Variants in KCNJ3 observed in about 807,000 individuals in gnomAD.
KCNJ3 encodes G protein-activated inward rectifier potassium channel 1.
A neutral mutation model predicts 39.2 loss-of-function variants in KCNJ3; 4 were observed. The ratio of observed to expected loss-of-function variants is 0.10; its 90% CI spans 0.05 to 0.23. The LOEUF (loss-of-function observed/expected upper bound fraction) is 0.23, where lower values mean the gene tolerates loss of function less well. Ranked by LOEUF, KCNJ3 falls within the 10% of genes least tolerant of loss-of-function variation. KCNJ3 has a pLI of 1.00. For synonymous variants in KCNJ3, 230 were observed against 237.4 expected (o/e 0.97, Z 0.29); for missense variants, 276 against 634.9 (o/e 0.43, Z 6.08).
chr2:154,726,816 C>CAA (rs1685366076), intron 2 of KCNJ3, among the ~76,000 whole-genome samples: 1 of 150,382 alleles, frequency 6.6e-6, no homozygotes, highest in East Asian at 2.0e-4. Flanking sequence ...CACACACACA[C>CAA]ACACACACAC....
At chr2:154,706,327 A>G (rs1685009116) in intron 1 of KCNJ3, among the ~76,000 whole-genome samples, 1 of 152,248 alleles carries the variant, frequency 6.6e-6, no homozygotes, top group African/African-American at 2.4e-5. Context: ...TTCTTATATC[A>G]TAATGCTTAA....
At chr2:154,788,769 G>GT (rs376883606) in intron 2 of KCNJ3, among the ~76,000 whole-genome samples, 3,662 of 146,344 alleles carry the variant, frequency 0.025, 60 homozygotes, top group Non-Finnish European at 0.033. Flanking sequence ...GTGAGTGTGA[G>GT]TTGTTTTTTT....
At chr2:154,744,600 T>G (rs1236462936) in intron 2 of KCNJ3, among the ~76,000 whole-genome samples, 1 of 151,854 alleles carries the variant, frequency 6.6e-6, no homozygotes, top group Non-Finnish European at 1.5e-5. Flanking sequence ...TTGTCAAACT[T>G]ATATATGTAG....
intron 2 of KCNJ3, among the ~76,000 whole-genome samples, chr2:154,711,129 T>C (rs1220806489): frequency 1.3e-5 from 2 of 152,146 alleles, no homozygotes; most frequent in African/African-American, 2.4e-5. Flanking sequence ...TTCTGCATAC[T>C]ATTTTATGAT....
chr2:154,813,226 C>T (rs1687031258), intron 2 of KCNJ3, among the ~76,000 whole-genome samples: 1 of 152,108 alleles, frequency 6.6e-6, no homozygotes, highest in Non-Finnish European at 1.5e-5. Flanking sequence ...AGTTGTGCTT[C>T]ATTTTCTGCC....
At chr2:154,760,256 T>C (rs1452051801) in intron 2 of KCNJ3, among the ~76,000 whole-genome samples, 1 of 152,232 alleles carries the variant, frequency 6.6e-6, no homozygotes, top group African/African-American at 2.4e-5. Flanking sequence ...CCTTTTTTCA[T>C]ATAATTATTA....
intron 2 of KCNJ3, among the ~76,000 whole-genome samples, chr2:154,821,588 G>T (rs967262622): frequency 6.8e-6 from 1 of 147,748 alleles, no homozygotes; most frequent in Non-Finnish European, 1.5e-5. Context: ...TGACTGAGCA[G>T]ATATGCTAGC....
chr2:154,792,028 C>T (rs552261117), intron 2 of KCNJ3, among the ~76,000 whole-genome samples: 3 of 152,090 alleles, frequency 2.0e-5, no homozygotes, highest in East Asian at 3.9e-4. Flanking sequence ...ATCCTGTACA[C>T]GTGGCTTCCC....
chr2:154,845,841 G>A (rs1687655103), intron 2 of KCNJ3, among the ~76,000 whole-genome samples: 1 of 152,066 alleles, frequency 6.6e-6, no homozygotes, highest in African/African-American at 2.4e-5. Context: ...CATGTGGCAT[G>A]TGCCTGTAGT....
At position 154,855,123 on chromosome 2, in the gene KCNJ3, G is replaced by A. The variant is rs1214174573; in HGVS notation, c.1316G>A (p.Arg439Gln). The change falls in exon 3 of 3, where the codon CGA becomes CAA. Residue 439 changes from arginine (R) to glutamine (Q), a missense_variant. Transcript: ENST00000295101. Reference sequence around the variant, plus strand: ...GGAGACTTGCCCATGAAACTTCAACGAATAAGTTCAGTTCCGGGCAACTCA... The same window carrying A: ...GGAGACTTGCCCATGAAACTTCAACAAATAAGTTCAGTTCCGGGCAACTCA... ...SLGDLPMKLQ[R>Q]ISSVPGNSEE... 6 of 1,613,952 alleles carry A rather than the reference G, an allele frequency of 3.7e-6. No homozygotes were observed. The highest frequency in any genetic ancestry group is 1.7e-5 in the Admixed American group (1 of 59,980).
At chr2:154,769,825 A>G (rs377140174) in intron 2 of KCNJ3, among the ~76,000 whole-genome samples, 25 of 152,174 alleles carry the variant, frequency 1.6e-4, no homozygotes, top group African/African-American at 5.5e-4. Context: ...CTATCCCAAC[A>G]TTCTGTGGTT....
intron 2 of KCNJ3, among the ~76,000 whole-genome samples, chr2:154,759,751 A>C (rs542187010): frequency 1.2e-4 from 19 of 152,250 alleles, no homozygotes; most frequent in African/African-American, 4.6e-4. Context: ...TTTAAAATGC[A>C]GGTAAATTGT....
intron 2 of KCNJ3, among the ~76,000 whole-genome samples, chr2:154,813,691 A>T (rs2652452): frequency 6.6e-6 from 1 of 151,946 alleles, no homozygotes; most frequent in Non-Finnish European, 1.5e-5. Context: ...GATACTATCC[A>T]GTCAGCTGAA....
chr2:154,716,652 T>C (rs572860639), intron 2 of KCNJ3, among the ~76,000 whole-genome samples: 1 of 152,334 alleles, frequency 6.6e-6, no homozygotes, highest in East Asian at 1.9e-4. Flanking sequence ...ATAATTGTAT[T>C]ATATTTAACT....
At chr2:154,756,021 C>A (rs1053040189) in intron 2 of KCNJ3, among the ~76,000 whole-genome samples, 1 of 152,116 alleles carries the variant, frequency 6.6e-6, no homozygotes, top group Non-Finnish European at 1.5e-5. Context: ...CACTTTGGGG[C>A]AGACCTTTTT....
intron 2 of KCNJ3, among the ~76,000 whole-genome samples, chr2:154,743,545 T>C (rs1029584410): frequency 6.6e-6 from 1 of 151,706 alleles, no homozygotes; most frequent in Admixed American, 6.6e-5. Flanking sequence ...ATTGTATACA[T>C]TTTTTCAGAT....
intron 2 of KCNJ3, among the ~76,000 whole-genome samples, chr2:154,780,051 C>T (rs1686407473): frequency 6.6e-6 from 1 of 152,060 alleles, no homozygotes; most frequent in African/African-American, 2.4e-5. Context: ...ATGTCATGTA[C>T]TGTGGGAATA....
At chr2:154,716,689 A>G (rs1558854758) in intron 2 of KCNJ3, among the ~76,000 whole-genome samples, 1 of 152,206 alleles carries the variant, frequency 6.6e-6, no homozygotes, top group African/African-American at 2.4e-5. Context: ...TCTCTGAATA[A>G]ACTATAAACT....
intron 2 of KCNJ3, among the ~76,000 whole-genome samples, chr2:154,798,317 C>T (rs1686756162): frequency 6.6e-6 from 1 of 152,008 alleles, no homozygotes; most frequent in African/African-American, 2.4e-5. Context: ...GACTAAACGT[C>T]CTATACCTCA....
Sources: gnomAD v4.1 joint callset for allele counts (sites outside exome capture counted in the v4.1 genomes callset) on GRCh38, gnomAD v4.1.1 for gene constraint, MANE v1.5 for transcripts, NCBI Gene and HGNC (gene_info 2026-07-23, HGNC 2026-07-21) for gene names.